SHANK2: variants seen among roughly 807,000 people sequenced by gnomAD.
SHANK2 encodes SH3 and multiple ankyrin repeat domains protein 2.
Under a neutral mutation model 133.7 loss-of-function variants are expected in SHANK2, and 43 were observed. The observed-to-expected ratio is 0.32, with a 90% CI of 0.25 to 0.41. The LOEUF (loss-of-function observed/expected upper bound fraction) is 0.41, where lower values mean the gene tolerates loss of function less well. Among genes scored for constraint, SHANK2 ranks in the 10% least tolerant of loss-of-function variants. The pLI, the probability that SHANK2 is intolerant of heterozygous loss-of-function variation, is 1.00. For synonymous variants in SHANK2, 1,017 were observed against 952.8 expected, an observed-to-expected ratio of 1.07 and a Z score of -1.24; for missense variants, 1,994 against 2,235.8, an observed-to-expected ratio of 0.89 and a Z score of 2.18.
intron 2 of SHANK2, among the ~76,000 whole-genome samples, chr11:71,183,257 G>A (rs1555114024): frequency 1.3e-5 from 2 of 152,182 alleles, no homozygotes; most frequent in Admixed American, 6.5e-5. Context: ...AGGGGCAAAG[G>A]TGCTGGAGTT....
At chr11:71,246,929 C>T (rs1196444706) in intron 1 of SHANK2, among the ~76,000 whole-genome samples, 5 of 152,222 alleles carry the variant, frequency 3.3e-5, no homozygotes, top group African/African-American at 1.2e-4. Context: ...TTTTGACCAA[C>T]TGCGCCCCAG....
In SHANK2 at chr11:70,895,238, G is replaced by A. The variant is rs540926657; in HGVS notation, c.1174+1263C>T. Among the ~76,000 whole-genome samples the A allele has an allele frequency of 6.4e-4, 97 of 152,352 alleles. 3 individuals are homozygous for A. In the South Asian group the frequency reaches 0.02, roughly 31 times the overall value. The stretch of plus-strand genomic sequence containing the variant: ...GGCGGGGTAGGTACCGGCCGTGGTT[G>A]ACGTAGGGCACACATGCCACACGGT... On this transcript the variant is annotated intron_variant, in intron 11 of 25. Transcript: ENST00000601538.
intron 8 of SHANK2, among the ~76,000 whole-genome samples, chr11:71,082,839 G>A (rs1024867409): frequency 7.9e-5 from 12 of 152,266 alleles, no homozygotes; most frequent in South Asian, 6.2e-4. Context: ...ACAACATTCA[G>A]ACTGATGTCA....
At chr11:71,093,116 C>T (rs1006959299) in intron 7 of SHANK2, among the ~76,000 whole-genome samples, 2 of 151,138 alleles carry the variant, frequency 1.3e-5, no homozygotes, top group Admixed American at 6.6e-5. Context: ...CAAACAGTGC[C>T]CAGAAATGCA....
At chr11:71,158,880 T>G (rs782473476) in intron 2 of SHANK2, among the ~76,000 whole-genome samples, 1 of 152,134 alleles carries the variant, frequency 6.6e-6, no homozygotes, top group Non-Finnish European at 1.5e-5. Flanking sequence ...GGTATTCACA[T>G]GGAGAAGATG....
At chr11:71,160,626 G>A (rs1952994207) in intron 2 of SHANK2, among the ~76,000 whole-genome samples, 1 of 152,180 alleles carries the variant, frequency 6.6e-6, no homozygotes, top group Non-Finnish European at 1.5e-5. Flanking sequence ...CTCCAGAAAG[G>A]TGAGAAAATA....
At chr11:70,954,004 G>T (rs966553265) in intron 10 of SHANK2, among the ~76,000 whole-genome samples, 1 of 152,166 alleles carries the variant, frequency 6.6e-6, no homozygotes, top group Non-Finnish European at 1.5e-5. Flanking sequence ...AGTCTTACAT[G>T]AACTTTACAA....
At chr11:70,636,214 CGTGT>C (rs782533905) in intron 17 of SHANK2, among the ~76,000 whole-genome samples, 4 of 151,894 alleles carry the variant, frequency 2.6e-5, no homozygotes, top group Admixed American at 1.3e-4. Context: ...CATGTCAGCA[CGTGT>C]GTGTGTGTGA....
intron 17 of SHANK2, among the ~76,000 whole-genome samples, chr11:70,508,912 C>G (rs977051028): frequency 6.6e-5 from 10 of 152,056 alleles, no homozygotes; most frequent in African/African-American, 2.2e-4. Flanking sequence ...TCGGGGGAGT[C>G]TGGATATAGA....
chr11:71,073,397 A>T (rs1225538489), intron 9 of SHANK2, among the ~76,000 whole-genome samples: 1 of 151,486 alleles, frequency 6.6e-6, no homozygotes, highest in East Asian at 1.9e-4. Flanking sequence ...ACCTCAAGCA[A>T]TCCGCCTGCC....
chr11:70,754,522 G>A (rs1027030020), intron 14 of SHANK2, among the ~76,000 whole-genome samples: 2 of 152,178 alleles, frequency 1.3e-5, no homozygotes, highest in African/African-American at 2.4e-5. Flanking sequence ...CATAGCAACT[G>A]GTGCAGAAAA....
Position 70,472,835 on chromosome 11 carries a change from CAA to C in SHANK2, c.*32_*33del. ...AGCACGAGCCCATCTCTACTTATAACAAGAGCAGTCTGCGAGGTGGAGAGCAG... is the reference window on the plus strand; with the variant it reads ...AGCACGAGCCCATCTCTACTTATAACGAGCAGTCTGCGAGGTGGAGAGCAG... On this transcript the variant is annotated 3_prime_UTR_variant, in exon 26 of 26. Transcript: ENST00000601538. This position sits in a 1 kb window ranked among gnomAD's most constrained non-coding sequence, Gnocchi z 4.4. 1 of 1,599,480 alleles carries C rather than the reference CAA, an allele frequency of 6.3e-7. No individual in the cohort carries two copies. Among genetic ancestry groups the C allele is most frequent in the Non-Finnish European group, 8.6e-7 (1 of 1,166,662 alleles).
At chr11:70,811,240 G>T (rs1948271431) in intron 12 of SHANK2, among the ~76,000 whole-genome samples, 1 of 152,202 alleles carries the variant, frequency 6.6e-6, no homozygotes, top group Non-Finnish European at 1.5e-5. Context: ...CAGAGCAGGA[G>T]TCACAGGGTC....
chr11:70,512,266 C>G (rs2059214073), intron 17 of SHANK2, among the ~76,000 whole-genome samples: 1 of 152,216 alleles, frequency 6.6e-6, no homozygotes, highest in Non-Finnish European at 1.5e-5. Flanking sequence ...TTTCCAGATA[C>G]TGCCAAATGT....
chr11:71,121,209 A>G (rs1555101419), intron 3 of SHANK2, among the ~76,000 whole-genome samples: 1 of 152,226 alleles, frequency 6.6e-6, no homozygotes, highest in Non-Finnish European at 1.5e-5. Flanking sequence ...TGATTCCCCC[A>G]TGAAAATCAG....
chr11:70,634,618 T>C, intron 17 of SHANK2: 1 of 152,216 alleles, frequency 6.6e-6, no homozygotes, highest in Non-Finnish European at 1.5e-5. Context: ...CCCAGCACTT[T>C]GGGAGGCCGA....
chr11:71,201,033 C>T (rs1258170877), intron 2 of SHANK2, among the ~76,000 whole-genome samples: 1 of 152,106 alleles, frequency 6.6e-6, no homozygotes, highest in Non-Finnish European at 1.5e-5. Flanking sequence ...CATAAAGCCC[C>T]CACACCGACC....
At chr11:70,684,131 C>T (rs1337033051) in intron 15 of SHANK2, among the ~76,000 whole-genome samples, 1 of 152,042 alleles carries the variant, frequency 6.6e-6, no homozygotes, top group African/African-American at 2.4e-5. Context: ...GAGAGAGAGA[C>T]CTGGGTCCCT....
chr11:70,716,900 C>G lies in SHANK2; in HGVS notation c.1778-18137G>C, dbSNP rs542259506. 5.4e-5 allele frequency among the ~76,000 whole-genome samples: 8 copies of G among 148,508 alleles called. No homozygotes were observed. In the East Asian group the frequency reaches 1.6e-3, roughly 30 times the overall value. ...TCACTGGACCGGGTCCCGGAGCCCC[C>G]CCCCCGCCCAACTGGACCCCTCCCA... On this transcript the variant is annotated intron_variant, in intron 14 of 25. Transcript: ENST00000601538.
Sources: allele counts gnomAD v4.1 joint callset (sites outside exome capture counted in the v4.1 genomes callset), GRCh38; gene constraint gnomAD v4.1.1; non-coding constraint Gnocchi (gnomAD v3.1); transcripts MANE v1.5; gene names NCBI Gene and HGNC (gene_info 2026-07-23, HGNC 2026-07-21).